PDE3A: variants seen among roughly 807,000 people sequenced by gnomAD.
PDE3A encodes the protein phosphodiesterase 3A.
Under a neutral mutation model 98.3 loss-of-function variants are expected in PDE3A, and 43 were observed. The observed-to-expected ratio is 0.44, with a 90% CI of 0.34 to 0.56. The LOEUF (loss-of-function observed/expected upper bound fraction) is 0.56. Among genes scored for constraint, PDE3A ranks in the 20% least tolerant of loss-of-function variants. The pLI, the probability that PDE3A is intolerant of heterozygous loss-of-function variation, is 0.01. For synonymous variants in PDE3A, 663 were observed against 567.9 expected (o/e 1.17, Z -2.38); for missense variants, 1,427 against 1,440.7 (o/e 0.99, Z 0.15).
At chr12:20,459,988 T>C (rs1565556244) in intron 1 of PDE3A, among the ~76,000 whole-genome samples, 1 of 152,188 alleles carries the variant, frequency 6.6e-6, no homozygotes, top group Non-Finnish European at 1.5e-5. Flanking sequence ...TAAAACAGCA[T>C]TGTGCCATTG....
intron 1 of PDE3A, 26 bp downstream of exon 1, chr12:20,370,270 G>A: frequency 6.7e-7 from 1 of 1,492,784 alleles, no homozygotes; most frequent in South Asian, 1.4e-5. Context: ...TCCTCTCTCG[G>A]CTCTTGGAAA....
chr12:20,578,996 A>AT (rs139637805), intron 2 of PDE3A, among the ~76,000 whole-genome samples: 3 of 151,522 alleles, frequency 2.0e-5, no homozygotes, highest in South Asian at 2.1e-4. Flanking sequence ...CATCAGTTTT[A>AT]TTTTTTTTCT....
At chr12:20,574,955 G>T (rs1942895122) in intron 2 of PDE3A, among the ~76,000 whole-genome samples, 1 of 151,926 alleles carries the variant, frequency 6.6e-6, no homozygotes, top group Non-Finnish European at 1.5e-5. Flanking sequence ...TTTAGAGATG[G>T]CATCGAAACC....
intron 1 of PDE3A, among the ~76,000 whole-genome samples, chr12:20,554,347 G>A (rs1191947301): frequency 7.3e-6 from 1 of 136,810 alleles, no homozygotes; most frequent in Non-Finnish European, 1.5e-5. Context: ...CAGAATAAAT[G>A]TTTTTCACAG....
chr12:20,660,309 A>G (rs1047180228), intron 15 of PDE3A, among the ~76,000 whole-genome samples: 5 of 152,174 alleles, frequency 3.3e-5, no homozygotes, highest in African/African-American at 1.2e-4. Context: ...CAGTCTTGGG[A>G]GTTCTTTATA....
intron 1 of PDE3A, among the ~76,000 whole-genome samples, chr12:20,514,805 T>C (rs1946287582): frequency 6.6e-6 from 1 of 152,242 alleles, no homozygotes; most frequent in Non-Finnish European, 1.5e-5. Flanking sequence ...TTACTAGCTG[T>C]GTGACTTTGG....
chr12:20,676,185 GT>G (rs1945633859), intron 15 of PDE3A, among the ~76,000 whole-genome samples: 3 of 152,018 alleles, frequency 2.0e-5, no homozygotes, highest in Admixed American at 1.3e-4. Flanking sequence ...ACTTTCAAGT[GT>G]TTTCATAATG....
intron 1 of PDE3A, among the ~76,000 whole-genome samples, chr12:20,413,948 T>G (rs761213977): frequency 1.3e-5 from 2 of 152,150 alleles, no homozygotes; most frequent in Non-Finnish European, 2.9e-5. Context: ...AAATTCGATT[T>G]GATTTTAAGA....
chr12:20,601,036 G>A (rs1467953858), intron 2 of PDE3A, among the ~76,000 whole-genome samples: 1 of 152,146 alleles, frequency 6.6e-6, no homozygotes, highest in East Asian at 1.9e-4. Context: ...ATACCACACT[G>A]GGGGAATGAA....
chr12:20,637,457 T>A (rs898466612), intron 9 of PDE3A, among the ~76,000 whole-genome samples: 1 of 148,920 alleles, frequency 6.7e-6, no homozygotes, highest in Admixed American at 6.7e-5. Flanking sequence ...ATGATATATT[T>A]TTAAAGACAA....
intron 1 of PDE3A, among the ~76,000 whole-genome samples, chr12:20,415,216 C>T (rs1044105894): frequency 6.6e-6 from 1 of 151,820 alleles, no homozygotes; most frequent in African/African-American, 2.4e-5. Flanking sequence ...TTTTTTGGCT[C>T]TCATTTGGCA....
chr12:20,499,881 C>G (rs529677004), intron 1 of PDE3A, among the ~76,000 whole-genome samples: 5 of 152,142 alleles, frequency 3.3e-5, no homozygotes, highest in Non-Finnish European at 7.3e-5. Flanking sequence ...TTTAGCTGTA[C>G]GCTTGTTAAT....
In PDE3A at chr12:20,402,078, G is replaced by T. The variant is rs1489366286; in HGVS notation, c.960+31834G>T. ...GTGGAGCTTTGTGGATAGTTGTGCT[G>T]CTGGGGAAGTTGTTAGGTAGAAGTC... On this transcript the variant is annotated intron_variant, in intron 1 of 15. Coordinates refer to ENST00000359062, the MANE Select transcript of PDE3A (RefSeq NM_000921.5). 2.0e-5 allele frequency among the ~76,000 whole-genome samples: 3 copies of T among 152,178 alleles called. No homozygotes were observed. The East Asian group carries it at 5.8e-4, about 29-fold the overall frequency.
At chr12:20,477,283 A>T (rs1945547869) in intron 1 of PDE3A, among the ~76,000 whole-genome samples, 1 of 152,210 alleles carries the variant, frequency 6.6e-6, no homozygotes, top group East Asian at 1.9e-4. Flanking sequence ...CTAAAAGAAA[A>T]ATATGAGATA....
At chr12:20,481,637 T>C (rs908076491) in intron 1 of PDE3A, among the ~76,000 whole-genome samples, 1 of 152,124 alleles carries the variant, frequency 6.6e-6, no homozygotes, top group Non-Finnish European at 1.5e-5. Context: ...TATTTATGTA[T>C]TTTTAAGAAC....
intron 15 of PDE3A, among the ~76,000 whole-genome samples, chr12:20,679,003 T>C (rs1945705034): frequency 1.3e-5 from 2 of 152,104 alleles, no homozygotes; most frequent in African/African-American, 4.8e-5. Flanking sequence ...AGAAACAGTA[T>C]ATACTCTAGG....
chr12:20,531,498 T>C (rs1408309306), intron 1 of PDE3A, among the ~76,000 whole-genome samples: 2 of 152,182 alleles, frequency 1.3e-5, no homozygotes, highest in African/African-American at 2.4e-5. Context: ...CTCCTCTTGA[T>C]CTCTCCTTTG....
chr12:20,423,727 T>C (rs1225968830), intron 1 of PDE3A, among the ~76,000 whole-genome samples: 12 of 152,164 alleles, frequency 7.9e-5, no homozygotes, highest in Non-Finnish European at 1.8e-4. Context: ...TTAACAGTTT[T>C]GTTCCCTCTG....
intron 2 of PDE3A, among the ~76,000 whole-genome samples, chr12:20,570,471 A>T (rs11615098): frequency 0.28 from 39,905 of 143,706 alleles, 5,808 homozygotes; most frequent in Middle Eastern, 0.33. Flanking sequence ...TCTCTTTGTC[A>T]TTCTGTAAGG....
Sources: allele counts gnomAD v4.1 joint callset (sites outside exome capture counted in the v4.1 genomes callset), GRCh38; gene constraint gnomAD v4.1.1; transcripts MANE v1.5; gene names NCBI Gene and HGNC (gene_info 2026-07-23, HGNC 2026-07-21).